The following B4GALT1 variants were observed in gnomAD, a reference collection of about 807,000 sequenced individuals.
The protein encoded by B4GALT1 is N-acetyllactosamine synthase.
B4GALT1 carries 16 observed loss-of-function variants against 34.9 expected under a neutral mutation model. The observed-to-expected ratio is 0.46, with a 90% confidence interval of 0.31 to 0.70. The LOEUF (loss-of-function observed/expected upper bound fraction) is 0.70, where lower values mean the gene tolerates loss of function less well. B4GALT1 is among the 30% of genes least tolerant of loss of function. The pLI, the probability that B4GALT1 is intolerant of heterozygous loss-of-function variation, is 0.05. For synonymous variants in B4GALT1, 221 were observed against 218.1 expected (o/e 1.01, Z -0.12); for missense variants, 445 against 530.5 (o/e 0.84, Z 1.58).
chr9:33,134,207 AG>A (rs1458365350), intron 2 of B4GALT1, among the ~76,000 whole-genome samples: 2 of 152,232 alleles, frequency 1.3e-5, no homozygotes, highest in African/African-American at 4.8e-5. Context: ...CTGGGGTCAT[AG>A]GGAAGGTGCA....
chr9:33,113,446 C>T lies in B4GALT1; in HGVS notation c.*8G>A. 1.2e-6 allele frequency: 2 copies of T among 1,614,160 alleles called. No homozygotes were observed. The highest frequency in any genetic ancestry group is 1.7e-5 in the Admixed American group (1 of 60,008). Reference sequence around the variant, plus strand: ...TAATTTCAGGTCTCTTATCCGTGTACCAAAACGCTAGCTCGGTGTCCCGAT... The same window carrying T: ...TAATTTCAGGTCTCTTATCCGTGTATCAAAACGCTAGCTCGGTGTCCCGAT... On this transcript the variant is annotated 3_prime_UTR_variant, in exon 6 of 6. Transcript: ENST00000379731.
At chr9:33,133,122 T>G (rs1010518151) in intron 2 of B4GALT1, among the ~76,000 whole-genome samples, 2 of 152,188 alleles carry the variant, frequency 1.3e-5, no homozygotes, top group Non-Finnish European at 2.9e-5. Context: ...AGGCTGGTCT[T>G]GAACTCCTGA....
At chr9:33,168,783 G>A (rs879486291), upstream of B4GALT1, among the ~76,000 whole-genome samples, 2 of 152,150 alleles carry the variant, frequency 1.3e-5, no homozygotes, top group African/African-American at 2.4e-5. Flanking sequence ...TCACTGATTT[G>A]TCTCCAGCCC....
the B4GALT1 span, among the ~76,000 whole-genome samples, chr9:33,183,589 T>A: frequency 1.7e-5 from 2 of 117,134 alleles, no homozygotes; most frequent in African/African-American, 3.3e-5. Context: ...AACAATGAGA[T>A]CACATGGATA....
exon 3 of B4GALT1, chr9:33,104,523 G>C (rs1056857082): frequency 1.5e-5 from 5 of 336,140 alleles, no homozygotes; most frequent in East Asian, 1.6e-4. Context: ...GACTCCTTAG[G>C]GGAGGACAGC....
chr9:33,113,986 A>C, intron 4 of B4GALT1, 108 bp from the exon 5 acceptor site: 11 of 1,008,266 alleles, frequency 1.1e-5, no homozygotes, highest in Non-Finnish European at 1.7e-5. Context: ...TGCTGTTCTC[A>C]CTCAGCCCAC....
rs146645966 is a variant in B4GALT1 at position 33,130,539 on chromosome 9, C to T, written c.648+4650G>A. Among the ~76,000 whole-genome samples the T allele has an allele frequency of 1.4e-3, 210 of 151,444 alleles. 1 individual carries two copies. Among genetic ancestry groups the T allele is most frequent in the Non-Finnish European group, 2.0e-3 (134 of 67,894 alleles). On this transcript the variant is annotated intron_variant, in intron 2 of 5. Coordinates refer to ENST00000379731, the MANE Select transcript of B4GALT1 (RefSeq NM_001497.4). ...ATATCTCAACCAGGAAAGCCTCTCC[C>T]GGCTCATTCCTTCAATATCCTTATT...
At position 33,166,774 on chromosome 9, in the gene B4GALT1, C is replaced by T; in HGVS notation, c.396G>A (p.Glu132=). Residue 132 remains glutamate (E), a synonymous_variant, in exon 1 of 6, where the codon GAG becomes GAA. Transcript: ENST00000379731. ...TTALSLPACP[E]ESPLLVGPML... Reference sequence around the variant, plus strand: ...AGTCCTTACCAAGCAGCGGGGACTCCTCAGGGCAGGCGGGCAGCGACAGTG... The same window carrying T: ...AGTCCTTACCAAGCAGCGGGGACTCTTCAGGGCAGGCGGGCAGCGACAGTG... 1 of 1,522,998 alleles carries T rather than the reference C, an allele frequency of 6.6e-7. No individual in the cohort carries two copies. Among genetic ancestry groups the T allele is most frequent in the East Asian group, 2.3e-5 (1 of 43,506 alleles). The allele number at this position is 1,522,998 out of a possible 1,614,324, so 94.3% of individuals were successfully genotyped here. A position where few individuals can be genotyped will look rare whatever the true frequency, so the allele number is the denominator to read the frequency against.
Position 33,166,792 on chromosome 9 carries a change from C to A in B4GALT1, c.378G>T (p.Ser126=), listed in dbSNP as rs1475033434. The A allele has an allele frequency of 6.5e-7, 1 of 1,527,536 alleles. No homozygotes were observed. Among genetic ancestry groups the A allele is most frequent in the East Asian group, 2.3e-5 (1 of 43,552 alleles). The allele number at this position is 1,527,536 out of a possible 1,614,324, so 94.6% of individuals were successfully genotyped here. Reference sequence around the variant, plus strand: ...GGGACTCCTCAGGGCAGGCGGGCAGCGACAGTGCGGTGGTGTGGGGCACTG... The same window carrying A: ...GGGACTCCTCAGGGCAGGCGGGCAGAGACAGTGCGGTGGTGTGGGGCACTG... ...SVPVPHTTAL[S]LPACPEESPL... Residue 126 remains serine (S), a synonymous_variant, in exon 1 of 6, where the codon TCG becomes TCT. Coordinates refer to ENST00000379731, the MANE Select transcript of B4GALT1 (RefSeq NM_001497.4).
intron 4 of B4GALT1, 100 bp downstream of exon 4, chr9:33,115,891 C>T: frequency 2.7e-6 from 4 of 1,482,096 alleles, no homozygotes; most frequent in Non-Finnish European, 3.7e-6. Context: ...AGGGGTGCAT[C>T]CCATCTGAGG....
chr9:33,140,839 G>T (rs750904393), intron 1 of B4GALT1, among the ~76,000 whole-genome samples: 2 of 152,248 alleles, frequency 1.3e-5, no homozygotes, highest in Non-Finnish European at 2.9e-5. Flanking sequence ...CTTGAGAAAA[G>T]ATTTGCTTGC....
chr9:33,145,020 C>G (rs1354355390), intron 1 of B4GALT1, among the ~76,000 whole-genome samples: 3 of 152,204 alleles, frequency 2.0e-5, no homozygotes, highest in Admixed American at 6.5e-5. Flanking sequence ...AAAACACTCT[C>G]ATTTCTGCCA....
At chr9:33,162,781 G>A (rs987696917) in intron 1 of B4GALT1, among the ~76,000 whole-genome samples, 9 of 152,176 alleles carry the variant, frequency 5.9e-5, no homozygotes, top group Non-Finnish European at 1.2e-4. Flanking sequence ...AGGTGGAGGC[G>A]GTGCCTTGTG....
chr9:33,183,350 C>G, the B4GALT1 span, among the ~76,000 whole-genome samples: 1 of 150,728 alleles, frequency 6.6e-6, no homozygotes, highest in Non-Finnish European at 1.5e-5. Flanking sequence ...TTTATTGCGG[C>G]ACTATTCACA....
intron 1 of B4GALT1, among the ~76,000 whole-genome samples, chr9:33,140,006 A>G (rs1437059494): frequency 7.2e-5 from 11 of 152,256 alleles, no homozygotes; most frequent in Non-Finnish European, 1.5e-4. Context: ...AGTCCAGGTC[A>G]TGGCCTTGCA....
intron 1 of B4GALT1, among the ~76,000 whole-genome samples, chr9:33,153,902 C>T (rs1462019197): frequency 1.4e-5 from 2 of 146,252 alleles, no homozygotes; most frequent in Non-Finnish European, 1.5e-5. Flanking sequence ...GATCTCACGA[C>T]GAAAGAAAAC....
At position 33,167,229 on chromosome 9, in the gene B4GALT1, G is replaced by A. The variant is rs193154597; in HGVS notation, c.-60C>T. 1.5e-3 allele frequency: 2,133 copies of A among 1,462,054 alleles called. 89 individuals carry two copies. The Admixed American group carries it at 0.051, about 35-fold the overall frequency. The allele number at this position is 1,462,054 out of a possible 1,614,324, so 90.6% of individuals were successfully genotyped here. ...CAGGAGGGGAGGCGACCCGCCCGCG[G>A]GCCGCCCGCCAGGCGCTGCCCCACA... On this transcript the variant is annotated 5_prime_UTR_variant, in exon 1 of 6. Coordinates refer to ENST00000379731, the MANE Select transcript of B4GALT1 (RefSeq NM_001497.4).
chr9:33,108,887 A>AT (rs1032174123), downstream of B4GALT1: 2 of 151,428 alleles, frequency 1.3e-5, no homozygotes, highest in Admixed American at 6.6e-5. Flanking sequence ...CAATAGGAGA[A>AT]TTTTTTGTTC....
intron 1 of B4GALT1, among the ~76,000 whole-genome samples, chr9:33,146,897 C>T (rs1036691987): frequency 2.0e-5 from 3 of 152,106 alleles, no homozygotes; most frequent in South Asian, 2.1e-4. Context: ...GACGGGGTTT[C>T]GCCATGTTGG....
Sources: gnomAD v4.1 joint callset for allele counts (sites outside exome capture counted in the v4.1 genomes callset) on GRCh38, gnomAD v4.1.1 for gene constraint, MANE v1.5 for transcripts, NCBI Gene and HGNC (gene_info 2026-07-23, HGNC 2026-07-21) for gene names.